The following HDAC9 variants were observed in gnomAD, a reference collection of about 807,000 sequenced individuals.
The protein encoded by HDAC9 is MEF-2 interacting transcription repressor (MITR) protein.
In HDAC9, 41 loss-of-function variants were observed where a neutral mutation model predicts 139.4. The observed-to-expected ratio is 0.29, with a 90% CI of 0.23 to 0.38. The LOEUF is 0.38. Among genes scored for constraint, HDAC9 ranks in the 10% least tolerant of loss-of-function variants. HDAC9 has a pLI of 1.00. For missense variants in HDAC9, 1,147 were observed against 1,297.0 expected (o/e 0.88, Z 1.78); for synonymous variants, 517 against 476.2 (o/e 1.09, Z -1.12).
chr7:18,419,520 C>T (rs1397549009), intron 1 of HDAC9, among the ~76,000 whole-genome samples: 1 of 151,290 alleles, frequency 6.6e-6, no homozygotes. Flanking sequence ...TAAGCATTTC[C>T]TGGCAGTATT....
chr7:18,651,353 G>A (rs1323001602), intron 11 of HDAC9, among the ~76,000 whole-genome samples: 1 of 152,108 alleles, frequency 6.6e-6, no homozygotes, highest in Non-Finnish European at 1.5e-5. Flanking sequence ...ACATGAAGAT[G>A]TTGACATACA....
intron 2 of HDAC9, among the ~76,000 whole-genome samples, chr7:18,577,807 A>G (rs1250664571): frequency 6.6e-6 from 1 of 152,296 alleles, no homozygotes; most frequent in East Asian, 1.9e-4. Flanking sequence ...AGCAAGAGAT[A>G]AGTCTAGAGA....
chr7:18,645,460 G>A (rs1787072787), intron 9 of HDAC9, among the ~76,000 whole-genome samples: 1 of 152,060 alleles, frequency 6.6e-6, no homozygotes, highest in South Asian at 2.1e-4. Flanking sequence ...TTACATGAAG[G>A]CCTAGAAGTG....
chr7:18,650,971 C>G (rs1296339192), intron 11 of HDAC9, among the ~76,000 whole-genome samples: 2 of 152,074 alleles, frequency 1.3e-5, no homozygotes, highest in Non-Finnish European at 2.9e-5. Context: ...AATATTTTAC[C>G]TGCCCTCAGT....
At chr7:18,183,901 C>A (rs1011646197) in intron 2 of HDAC9, among the ~76,000 whole-genome samples, 2 of 152,160 alleles carry the variant, frequency 1.3e-5, no homozygotes, top group Non-Finnish European at 2.9e-5. Flanking sequence ...AAACTTTTTT[C>A]ATTCTACCAT....
chr7:18,990,289 C>G (rs910070640), intron 25 of HDAC9, among the ~76,000 whole-genome samples: 2 of 152,146 alleles, frequency 1.3e-5, no homozygotes, highest in Admixed American at 1.3e-4. Context: ...AGCTGCAGGT[C>G]TGTTGGAGTA....
At position 18,788,696 on chromosome 7, in the gene HDAC9, A is replaced by C. The variant is rs1792032182; in HGVS notation, c.2215-4649A>C. Among the ~76,000 whole-genome samples the C allele has an allele frequency of 1.3e-5, 2 of 150,684 alleles. 1 individual carries two copies. Among genetic ancestry groups the C allele is most frequent in the South Asian group, 4.3e-4 (2 of 4,702 alleles). ...CTTGAACCCAGGAAGCAGAGGTTGC[A>C]GTGAGCCAAGATCGAGCTACTGCAC... On this transcript the variant is annotated intron_variant, in intron 16 of 25. Transcript: ENST00000686413.
At chr7:18,341,510 A>T (rs189314217) in intron 1 of HDAC9, among the ~76,000 whole-genome samples, 4 of 151,410 alleles carry the variant, frequency 2.6e-5, no homozygotes, top group Admixed American at 2.6e-4. Flanking sequence ...TTTTCCTGCG[A>T]TATCTAATTG....
intron 6 of HDAC9, among the ~76,000 whole-genome samples, chr7:18,627,074 G>C (rs572507281): frequency 1.3e-5 from 2 of 152,110 alleles, no homozygotes; most frequent in South Asian, 4.1e-4. Context: ...GTTATTCTCA[G>C]GTATCTAATT....
At chr7:18,159,608 A>T (rs1787479097) in intron 1 of HDAC9, among the ~76,000 whole-genome samples, 1 of 152,152 alleles carries the variant, frequency 6.6e-6, no homozygotes, top group Non-Finnish European at 1.5e-5. Context: ...AATACATGTG[A>T]TGTGCACATA....
At chr7:18,534,007 G>T (rs1380817558) in intron 2 of HDAC9, among the ~76,000 whole-genome samples, 1 of 152,050 alleles carries the variant, frequency 6.6e-6, no homozygotes, top group Non-Finnish European at 1.5e-5. Flanking sequence ...TTCGATAGAG[G>T]CTATTAATTA....
At chr7:18,114,927 A>G (rs1287635425) in intron 1 of HDAC9, among the ~76,000 whole-genome samples, 5 of 152,234 alleles carry the variant, frequency 3.3e-5, no homozygotes, top group Admixed American at 6.5e-5. Context: ...AGTGAAATTT[A>G]AGGCAACCAT....
intron 2 of HDAC9, among the ~76,000 whole-genome samples, chr7:18,197,098 A>T (rs1016971303): frequency 4.6e-5 from 7 of 152,158 alleles, no homozygotes; most frequent in Admixed American, 1.3e-4. Flanking sequence ...CTTGCCTGAC[A>T]GTCTTTAAAC....
chr7:18,845,495 C>T (rs1796844838), intron 21 of HDAC9, among the ~76,000 whole-genome samples: 2 of 152,140 alleles, frequency 1.3e-5, no homozygotes, highest in Admixed American at 6.6e-5. Context: ...TTTGGAATAG[C>T]TCCAGAGTGT....
intron 2 of HDAC9, among the ~76,000 whole-genome samples, chr7:18,203,431 T>C (rs1791279364): frequency 6.6e-6 from 1 of 152,174 alleles, no homozygotes; most frequent in Admixed American, 6.6e-5. Context: ...CTTCCAGTTA[T>C]TGACAGATCT....
At chr7:18,785,458 T>A (rs1791632376) in intron 16 of HDAC9, among the ~76,000 whole-genome samples, 1 of 152,072 alleles carries the variant, frequency 6.6e-6, no homozygotes, top group South Asian at 2.1e-4. Flanking sequence ...AAATGACCCC[T>A]TAGATGCAAA....
chr7:18,639,686 G>T (rs1784966140), intron 8 of HDAC9, among the ~76,000 whole-genome samples: 1 of 152,020 alleles, frequency 6.6e-6, no homozygotes, highest in Non-Finnish European at 1.5e-5. Context: ...TTAAATGATT[G>T]AGGCTTTTCT....
chr7:18,593,537 C>G (rs550410789), intron 5 of HDAC9, among the ~76,000 whole-genome samples: 2 of 152,034 alleles, frequency 1.3e-5, no homozygotes, highest in Non-Finnish European at 2.9e-5. Context: ...TTACTATTAC[C>G]TTGATTGTTT....
At position 18,668,798 on chromosome 7, in the gene HDAC9, CTGTTA is replaced by C. The variant is rs1181132998; in HGVS notation, c.1731+2324_1731+2328del. The C allele has an allele frequency of 5.1e-6, 5 of 982,628 alleles. No homozygotes were observed. In the African/African-American group the frequency reaches 5.3e-5, roughly 10 times the overall value. 60.9% of individuals were successfully genotyped at this position (982,628 alleles called of 1,614,324 possible). A position where few individuals can be genotyped will look rare whatever the true frequency, so the allele number is the denominator to read the frequency against. On this transcript the variant is annotated intron_variant, in intron 12 of 25. Transcript: ENST00000686413. The stretch of plus-strand genomic sequence containing the variant: ...GTTTGTATGTTTCCCTTCTTGCCTT[CTGTTA>C]TAAGTCTCTTCCTTTCTCAAATAAA...
Sources: allele counts gnomAD v4.1 joint callset (sites outside exome capture counted in the v4.1 genomes callset), GRCh38; gene constraint gnomAD v4.1.1; transcripts MANE v1.5; gene names NCBI Gene and HGNC (gene_info 2026-07-23, HGNC 2026-07-21).